The following GRIN2A variants were observed in gnomAD, a reference collection of about 807,000 sequenced individuals.
GRIN2A encodes glutamate ionotropic receptor NMDA type subunit 2A.
In GRIN2A, 22 loss-of-function variants were observed where a neutral mutation model predicts 113.4. The ratio of observed to expected loss-of-function variants is 0.19; its 90% CI spans 0.14 to 0.28. The LOEUF (loss-of-function observed/expected upper bound fraction) is 0.28, where lower values mean the gene tolerates loss of function less well. GRIN2A is among the 10% of genes least tolerant of loss of function. The probability of loss-of-function intolerance (pLI) is 1.00; values close to 1 mark genes in which losing one functional copy is unlikely to be tolerated. For synonymous variants in GRIN2A, 827 were observed against 738.4 expected, an observed-to-expected ratio of 1.12 and a Z score of -1.94; for missense variants, 1,502 against 1,887.0, an observed-to-expected ratio of 0.80 and a Z score of 3.78.
intron 2 of GRIN2A, among the ~76,000 whole-genome samples, chr16:9,951,706 AG>A (rs1158923496): frequency 2.0e-5 from 3 of 152,238 alleles, no homozygotes; most frequent in African/African-American, 7.2e-5. Flanking sequence ...GAAGTGACAT[AG>A]AAAAAGAAAT....
At chr16:9,850,288 T>C (rs1037385143) in intron 4 of GRIN2A, among the ~76,000 whole-genome samples, 2 of 152,158 alleles carry the variant, frequency 1.3e-5, no homozygotes, top group African/African-American at 2.4e-5. Context: ...GGAAACAGCA[T>C]AGACTTTTAG....
At position 9,759,472 on chromosome 16, in the gene GRIN2A, G is replaced by C. The variant is rs868010115; in HGVS notation, c.*3677C>G. On this transcript the variant is annotated 3_prime_UTR_variant, in exon 13 of 13. Transcript: ENST00000330684. ...TTTGACTAATTAACTGCCTTGGCTA[G>C]AGTCCCATTTAAGTGAAACTATTTC... 1.3e-5 allele frequency: 3 copies of C among 224,822 alleles called. No individual in the cohort carries two copies. Among genetic ancestry groups the C allele is most frequent in the Non-Finnish European group, 2.7e-5 (3 of 112,800 alleles). 13.9% of individuals were successfully genotyped at this position (224,822 alleles called of 1,614,324 possible).
chr16:10,049,625 C>T (rs768859313), intron 2 of GRIN2A, among the ~76,000 whole-genome samples: 2 of 152,182 alleles, frequency 1.3e-5, no homozygotes, highest in Non-Finnish European at 2.9e-5. Flanking sequence ...GTGATCCACC[C>T]GCCTTGGCCT....
chr16:10,043,559 C>T (rs1356187879), intron 2 of GRIN2A, among the ~76,000 whole-genome samples: 1 of 152,134 alleles, frequency 6.6e-6, no homozygotes, highest in African/African-American at 2.4e-5. Context: ...TCTCAGTATC[C>T]TACAAAGATG....
At chr16:9,975,400 A>T (rs1034098456) in intron 2 of GRIN2A, among the ~76,000 whole-genome samples, 6 of 152,226 alleles carry the variant, frequency 3.9e-5, no homozygotes, top group African/African-American at 1.4e-4. Context: ...GAGAAGTAGC[A>T]GAGAAGAAGT....
At chr16:9,772,922 C>CAAAAAAAAA (rs71400490) in intron 11 of GRIN2A, among the ~76,000 whole-genome samples, 1 of 104,976 alleles carries the variant, frequency 9.5e-6, no homozygotes, top group African/African-American at 3.7e-5. Flanking sequence ...ACTTCAATTT[C>CAAAAAAAAA]AAAAAAAAAA....
chr16:10,037,695 A>G (rs965179471), intron 2 of GRIN2A, among the ~76,000 whole-genome samples: 1 of 152,092 alleles, frequency 6.6e-6, no homozygotes, highest in African/African-American at 2.4e-5. Flanking sequence ...GAGTGATCAG[A>G]GTTCACTGCA....
intron 2 of GRIN2A, among the ~76,000 whole-genome samples, chr16:10,128,075 C>T (rs182304590): frequency 7.2e-5 from 11 of 152,190 alleles, no homozygotes; most frequent in African/African-American, 2.4e-4. Flanking sequence ...GCTCAGTGAG[C>T]TTCCCTTGTT....
rs2042108587 is a variant in GRIN2A at position 9,812,652 on chromosome 16, AAAG to A, written c.2168+9609_2168+9611del. 3.9e-5 allele frequency among the ~76,000 whole-genome samples: 6 copies of A among 152,232 alleles called. No individual in the cohort carries two copies. The South Asian group carries it at 1.2e-3, about 32-fold the overall frequency. ...GACTCTGTCTCAAAACAAAAACAAA[AAAG>A]AAAGAAAAAAGAAATAAACAATAAA... On this transcript the variant is annotated intron_variant, in intron 10 of 12. Coordinates refer to ENST00000330684, the MANE Select transcript of GRIN2A (RefSeq NM_001134407.3).
At chr16:9,796,175 G>A (rs573938242) in intron 11 of GRIN2A, among the ~76,000 whole-genome samples, 1 of 152,328 alleles carries the variant, frequency 6.6e-6, no homozygotes, top group East Asian at 1.9e-4. Flanking sequence ...AATGGTGGGT[G>A]GGGCTAGAGT....
intron 2 of GRIN2A, among the ~76,000 whole-genome samples, chr16:9,964,570 G>A (rs76387550): frequency 0.014 from 2,130 of 152,204 alleles, 58 homozygotes; most frequent in African/African-American, 0.049. Flanking sequence ...TTTCCTTTCC[G>A]GAGGCCGTAG....
chr16:10,076,741 C>A (rs374663490), intron 2 of GRIN2A, among the ~76,000 whole-genome samples: 3 of 152,292 alleles, frequency 2.0e-5, no homozygotes, highest in African/African-American at 7.2e-5. Flanking sequence ...GTCGAGAGCA[C>A]TGTGAACATT....
chr16:10,043,298 C>A (rs2047198126), intron 2 of GRIN2A, among the ~76,000 whole-genome samples: 1 of 152,158 alleles, frequency 6.6e-6, no homozygotes, highest in Admixed American at 6.5e-5. Context: ...TCAGTACAGG[C>A]CTTTGAACTC....
intron 2 of GRIN2A, among the ~76,000 whole-genome samples, chr16:9,979,829 A>G (rs958195299): frequency 7.5e-6 from 1 of 133,122 alleles, no homozygotes; most frequent in African/African-American, 2.8e-5. Context: ...GTATGTATTT[A>G]TCTAGGACTT....
At chr16:10,123,932 C>T (rs576073429) in intron 2 of GRIN2A, among the ~76,000 whole-genome samples, 1 of 152,284 alleles carries the variant, frequency 6.6e-6, no homozygotes, top group South Asian at 2.1e-4. Flanking sequence ...ATAAATCACT[C>T]GGCACAGTGT....
chr16:9,918,062 G>A (rs1039173021), intron 3 of GRIN2A, among the ~76,000 whole-genome samples: 2 of 152,154 alleles, frequency 1.3e-5, no homozygotes, highest in Non-Finnish European at 2.9e-5. Context: ...CAGGTACTGA[G>A]CTAAATGTTT....
At chr16:10,157,068 A>G (rs149241410) in intron 2 of GRIN2A, among the ~76,000 whole-genome samples, 1 of 152,320 alleles carries the variant, frequency 6.6e-6, no homozygotes, top group African/African-American at 2.4e-5. Context: ...CAAAGCTTTA[A>G]GAGTGGAGAG....
intron 2 of GRIN2A, among the ~76,000 whole-genome samples, chr16:10,074,967 G>C (rs983088794): frequency 1.3e-5 from 2 of 152,110 alleles, no homozygotes; most frequent in Non-Finnish European, 2.9e-5. Context: ...ATTATACATA[G>C]ATAAAATTTC....
At chr16:9,868,120 T>C (rs931044264) in intron 4 of GRIN2A, among the ~76,000 whole-genome samples, 3 of 152,102 alleles carry the variant, frequency 2.0e-5, no homozygotes, top group Non-Finnish European at 4.4e-5. Flanking sequence ...TATTTGAACA[T>C]TTTTTACTGC....
Sources: allele counts gnomAD v4.1 joint callset (sites outside exome capture counted in the v4.1 genomes callset), GRCh38; gene constraint gnomAD v4.1.1; transcripts MANE v1.5; gene names NCBI Gene and HGNC (gene_info 2026-07-23, HGNC 2026-07-21).